The following IFIT3 variants were observed in gnomAD, a reference collection of about 807,000 sequenced individuals.
IFIT3 encodes the protein interferon induced protein with tetratricopeptide repeats 3, also known as interferon-induced protein with tetratricopeptide repeats 3.
Under a neutral mutation model 2.4 loss-of-function variants are expected in IFIT3, and 2 were observed. The ratio of observed to expected loss-of-function variants is 0.82; its 90% CI spans 0.34 to 2.60. IFIT3 has a LOEUF of 2.60. Among genes scored for constraint, IFIT3 ranks in the 30% most tolerant of loss-of-function variants. The pLI is 0.11. For synonymous variants in IFIT3, 203 were observed against 212.1 expected (o/e 0.96, Z 0.37); for missense variants, 481 against 562.4 (o/e 0.86, Z 1.46).
Position 89,339,201 on chromosome 10 carries a change from TC to T in IFIT3, c.547del (p.Leu183TrpfsTer14), listed in dbSNP as rs1215592777. 1 of 1,614,090 alleles carries T rather than the reference TC, an allele frequency of 6.2e-7. No individual in the cohort carries two copies. Among genetic ancestry groups the T allele is most frequent in the African/African-American group, 1.3e-5 (1 of 74,938 alleles). ...CTGGACTGGCAATTGCGATGTACCA[TC>T]TGGATAATCACCCAGAGAAACAGTT... ...SSGLAIAMYHLDNHPEKQFST... is the reference protein window; with the variant it reads ...SSGLAIAMYHXDNHPEKQFST... On this transcript the variant is annotated frameshift_variant, in exon 2 of 2. Transcript: ENST00000371818. LOFTEE classifies it low-confidence loss of function (END_TRUNC).
Position 89,338,775 on chromosome 10 carries a change from C to A in IFIT3, c.120C>A (p.Asn40Lys). ...GGGATCTAGAAGATAGAGTGTGTAA[C>A]CAGATTGAATTTTTAAACACTGAGT... Reference protein sequence around the residue: ...VSRDLEDRVCNQIEFLNTEFK... With the variant: ...VSRDLEDRVCKQIEFLNTEFK... Residue 40 changes from asparagine to lysine, a missense_variant, in exon 2 of 2, where the codon AAC becomes AAA. By Grantham distance (94) the Asn-to-Lys change is moderately conservative. Coordinates refer to ENST00000371818, the MANE Select transcript of IFIT3 (RefSeq NM_001549.6). 6.2e-7 allele frequency: 1 copy of A among 1,614,040 alleles called. No individual in the cohort carries two copies. The highest frequency in any genetic ancestry group is 1.6e-4 in the Middle Eastern group (1 of 6,062).
Position 89,339,768 on chromosome 10 carries a change from T to G in IFIT3, c.1113T>G (p.Asn371Lys). Reference sequence around the variant, plus strand: ...GCTACTGCAACCTTCAGAAATATAATGGGAAGTCTGAAGACACTGCTGTGC... The same window carrying G: ...GCTACTGCAACCTTCAGAAATATAAGGGGAAGTCTGAAGACACTGCTGTGC... ...HQRYCNLQKY[N>K]GKSEDTAVQH... The change falls in exon 2 of 2, where the codon AAT becomes AAG. Residue 371 changes from asparagine (N) to lysine (K), a missense_variant. Coordinates refer to ENST00000371818, the MANE Select transcript of IFIT3 (RefSeq NM_001549.6). The G allele has an allele frequency of 6.2e-7, 1 of 1,614,116 alleles. No homozygotes were observed.
Position 89,339,373 on chromosome 10 carries a change from C to T in IFIT3, c.718C>T (p.Gln240Ter), listed in dbSNP as rs1348460273. The T allele has an allele frequency of 3.1e-6, 5 of 1,613,826 alleles. No individual in the cohort carries two copies. Among genetic ancestry groups the T allele is most frequent in the Non-Finnish European group, 4.2e-6 (5 of 1,179,950 alleles). Residue 240 changes from glutamine to a stop codon, truncating the protein, a stop_gained, in exon 2 of 2, where the codon CAA (glutamine) becomes TAA (stop). Transcript: ENST00000371818. LOFTEE classifies it low-confidence loss of function (END_TRUNC). ...VEEALEKSPC[Q>*]TDVLRSAAKF... Reference sequence around the variant, plus strand: ...AGAAGCCTTGGAAAAGTCTCCTTGCCAAACAGATGTCCTCCGCAGTGCAGC... The same window carrying T: ...AGAAGCCTTGGAAAAGTCTCCTTGCTAAACAGATGTCCTCCGCAGTGCAGC...
At position 89,339,678 on chromosome 10, in the gene IFIT3, G is replaced by A. The variant is rs35430629; in HGVS notation, c.1023G>A (p.Thr341=). ...CCGATCTCGCTGAGTTCCTGGAGAC[G>A]GAATGTTATCAGACACCATTCAATA... ...AYSDLAEFLE[T]ECYQTPFNKE... The change falls in exon 2 of 2, where the codon ACG becomes ACA. Residue 341 remains threonine, a synonymous_variant. Coordinates refer to ENST00000371818, the MANE Select transcript of IFIT3 (RefSeq NM_001549.6). 0.013 allele frequency: 21,545 copies of A among 1,614,108 alleles called. 195 individuals are homozygous for A. The highest frequency in any genetic ancestry group is 0.037 in the African/African-American group (2,803 of 75,030).
intron 1 of IFIT3, chr10:89,332,509 C>G: frequency 6.3e-7 from 1 of 1,597,226 alleles, no homozygotes; most frequent in South Asian, 1.1e-5. Flanking sequence ...CATAAAAGCA[C>G]AGACCTAACA....
chr10:89,337,003 A>G (rs941032940), intron 1 of IFIT3, among the ~76,000 whole-genome samples: 24 of 152,358 alleles, frequency 1.6e-4, no homozygotes, highest in African/African-American at 5.3e-4. Flanking sequence ...TTCCAACTAC[A>G]AAACAAAAAT....
At chr10:89,330,459 A>T (rs560557527) in intron 1 of IFIT3, among the ~76,000 whole-genome samples, 2 of 152,152 alleles carry the variant, frequency 1.3e-5, no homozygotes, top group Non-Finnish European at 2.9e-5. Flanking sequence ...CACTTTAGAG[A>T]GGGGGCCAGG....
At chr10:89,337,277 T>A (rs1025277607) in intron 1 of IFIT3, among the ~76,000 whole-genome samples, 1 of 152,148 alleles carries the variant, frequency 6.6e-6, no homozygotes, top group Non-Finnish European at 1.5e-5. Flanking sequence ...TTTCTTAGTA[T>A]CCATAATATC....
In IFIT3 at chr10:89,339,846, G is replaced by C. The variant is rs190798694; in HGVS notation, c.1191G>C (p.Glu397Asp). ...GCAAAAAATCAACTGACAAGGAAGA[G>C]ATCAAAGACCAACCACAGAATGTAT... ...SISKKSTDKE[E>D]IKDQPQNVSE... The change falls in exon 2 of 2, where the codon GAG becomes GAC. Residue 397 changes from glutamate (E) to aspartate (D), a missense_variant. Physicochemically the swap from Glu to Asp is conservative, Grantham distance 45. Coordinates refer to ENST00000371818, the MANE Select transcript of IFIT3 (RefSeq NM_001549.6). 175 of 1,614,200 alleles carry C rather than the reference G, an allele frequency of 1.1e-4. No individual in the cohort carries two copies. The East Asian group carries it at 3.8e-3, about 35-fold the overall frequency.
chr10:89,337,764 C>A (rs1309298935), intron 1 of IFIT3, among the ~76,000 whole-genome samples: 1 of 152,326 alleles, frequency 6.6e-6, no homozygotes, highest in African/African-American at 2.4e-5. Flanking sequence ...TCCTCTTACC[C>A]ATCTTACCTC....
At chr10:89,331,407 A>C (rs1484242610) in intron 1 of IFIT3, among the ~76,000 whole-genome samples, 1 of 152,136 alleles carries the variant, frequency 6.6e-6, no homozygotes, top group Non-Finnish European at 1.5e-5. Flanking sequence ...TCCTGACCTT[A>C]AGTGATGCAC....
rs768315767 is a variant in IFIT3 at position 89,339,497 on chromosome 10, T to G, written c.842T>G (p.Ile281Ser). The G allele has an allele frequency of 5.3e-5, 86 of 1,614,008 alleles. No homozygotes were observed. The Admixed American group carries it at 1.4e-3, about 27-fold the overall frequency. ...AACAATGGCTACCTCTATCACCAGA[T>G]TGGGTGCTGCTACAAGGCAAAAGTA... ...TPNNGYLYHQ[I>S]GCCYKAKVRQ... Residue 281 changes from isoleucine to serine, a missense_variant, in exon 2 of 2, where the codon ATT (isoleucine) becomes AGT (serine). Coordinates refer to ENST00000371818, the MANE Select transcript of IFIT3 (RefSeq NM_001549.6).
At chr10:89,332,697 C>T (rs1843668420) in intron 1 of IFIT3, 1 of 1,476,728 alleles carries the variant, frequency 6.8e-7, no homozygotes, top group Admixed American at 1.7e-5. Flanking sequence ...TATGCTATTT[C>T]AGTGTTTGCT....
chr10:89,331,657 G>A (rs11203070), intron 1 of IFIT3, among the ~76,000 whole-genome samples: 34,930 of 151,650 alleles, frequency 0.23, 4,194 homozygotes, highest in African/African-American at 0.26. Context: ...TCAGGAGTTG[G>A]AGACCAGCCT....
chr10:89,331,379 G>A (rs1354826119), intron 1 of IFIT3, among the ~76,000 whole-genome samples: 1 of 152,052 alleles, frequency 6.6e-6, no homozygotes, highest in Non-Finnish European at 1.5e-5. Context: ...TGCCATGTTG[G>A]TCAGGTTGGT....
chr10:89,340,338 C>T lies in IFIT3; in HGVS notation c.*210C>T. 1 of 443,592 alleles carries T rather than the reference C, an allele frequency of 2.3e-6. No homozygotes were observed. The highest frequency in any genetic ancestry group is 4.0e-6 in the Non-Finnish European group (1 of 248,636). The allele number at this position is 443,592 out of a possible 1,614,324, so 27.5% of individuals were successfully genotyped here. On this transcript the variant is annotated 3_prime_UTR_variant, in exon 2 of 2. Transcript: ENST00000371818. ...CTTTGGGAGGCCGAGGTGGGCGGATCACGAGGTCTGGAGTTTGAGACCATC... is the reference window on the plus strand; with the variant it reads ...CTTTGGGAGGCCGAGGTGGGCGGATTACGAGGTCTGGAGTTTGAGACCATC...
chr10:89,337,225 G>A (rs1343603066), intron 1 of IFIT3, among the ~76,000 whole-genome samples: 1 of 152,138 alleles, frequency 6.6e-6, no homozygotes, highest in African/African-American at 2.4e-5. Flanking sequence ...TAACAAAACT[G>A]AAAGCACCTG....
chr10:89,340,088 G>A lies in IFIT3; in HGVS notation c.1433G>A (p.Ser478Asn). 2 of 1,610,656 alleles carry A rather than the reference G, an allele frequency of 1.2e-6. No homozygotes were observed. Among genetic ancestry groups the A allele is most frequent in the African/African-American group, 2.7e-5 (2 of 74,892 alleles). ...ATGGGCCAGGGCGCAGTCAGCTCCA[G>A]TCCCAGAGAGCTCCTCTCTAACTCA... ...EEMGQGAVSS[S>N]PRELLSNSEQ... The change falls in exon 2 of 2, where the codon AGT becomes AAT. Residue 478 changes from serine (S) to asparagine (N), a missense_variant. Transcript: ENST00000371818.
intron 1 of IFIT3, among the ~76,000 whole-genome samples, chr10:89,336,325 G>T (rs988495108): frequency 2.6e-5 from 4 of 152,148 alleles, no homozygotes; most frequent in African/African-American, 9.7e-5. Context: ...AAAGGAAAAG[G>T]ACTGTCCCCA....
Sources: allele counts gnomAD v4.1 joint callset (sites outside exome capture counted in the v4.1 genomes callset), GRCh38; gene constraint gnomAD v4.1.1; transcripts MANE v1.5; gene names NCBI Gene and HGNC (gene_info 2026-07-23, HGNC 2026-07-21).